CACNA1E: variants seen among roughly 807,000 people sequenced by gnomAD.
The protein encoded by CACNA1E is voltage-dependent R-type calcium channel subunit alpha-1E.
Under a neutral mutation model 259.2 loss-of-function variants are expected in CACNA1E, and 40 were observed. The observed-to-expected ratio is 0.15, with a 90% CI of 0.12 to 0.20. CACNA1E has a LOEUF of 0.20. Among genes scored for constraint, CACNA1E ranks in the 10% least tolerant of loss-of-function variants. The probability of loss-of-function intolerance (pLI) is 1.00; values close to 1 mark genes in which losing one functional copy is unlikely to be tolerated. For missense variants in CACNA1E, 1,874 were observed against 3,040.1 expected (o/e 0.62, Z 9.02); for synonymous variants, 1,104 against 1,138.5 (o/e 0.97, Z 0.61).
In CACNA1E at chr1:181,785,930, G is replaced by C. The variant is rs528364013; in HGVS notation, c.5786+111G>C. ...AAGGGCCCAAGAACAAATACTCTGA[G>C]CTTGAGTGATCCTTTTTCTGAAGTT... On this transcript the variant is annotated intron_variant, in intron 43 of 47. Coordinates refer to ENST00000367573, the MANE Select transcript of CACNA1E (RefSeq NM_001205293.3). The C allele has an allele frequency of 1.9e-4, 128 of 684,898 alleles. 1 individual carries two copies. Among genetic ancestry groups the C allele is most frequent in the Middle Eastern group, 2.9e-4 (1 of 3,470 alleles). 42.4% of individuals were successfully genotyped at this position (684,898 alleles called of 1,614,324 possible).
chr1:181,319,364 G>T (rs1571550144), intron 1 of CACNA1E, among the ~76,000 whole-genome samples: 1 of 152,310 alleles, frequency 6.6e-6, no homozygotes, highest in East Asian at 1.9e-4. Flanking sequence ...AGAGGAAAAG[G>T]GGCTTTCTCT....
chr1:181,421,308 C>T (rs991077981), intron 2 of CACNA1E, among the ~76,000 whole-genome samples: 2 of 152,204 alleles, frequency 1.3e-5, no homozygotes. Flanking sequence ...ATAATACCTA[C>T]CTTGCAAGCC....
intron 6 of CACNA1E, among the ~76,000 whole-genome samples, chr1:181,592,331 C>T (rs188159963): frequency 1.2e-4 from 19 of 152,074 alleles, no homozygotes; most frequent in Admixed American, 9.2e-4. Context: ...GAGTGGCTGT[C>T]GGAACCCACC....
chr1:181,487,266 T>C (rs75386369), intron 1 of CACNA1E, among the ~76,000 whole-genome samples: 5,261 of 152,302 alleles, frequency 0.035, 118 homozygotes, highest in Middle Eastern at 0.078. Context: ...TCTTTAATCA[T>C]GTTTGTCTGA....
In CACNA1E at chr1:181,732,035, C is replaced by T. The variant is rs150015745; in HGVS notation, c.2298-349C>T. The stretch of plus-strand genomic sequence containing the variant: ...GTTGAGTGTGTACAAGCAGATGCCC[C>T]GAAAGCAAGGAGAGCAGGGGAGTGA... On this transcript the variant is annotated intron_variant, in intron 19 of 47. Transcript: ENST00000367573. The surrounding 1 kb of genome is among the most constrained non-coding windows in gnomAD (Gnocchi z 5.5). Among the ~76,000 whole-genome samples the T allele has an allele frequency of 5.5e-4, 83 of 151,790 alleles. 1 individual carries two copies. The highest frequency in any genetic ancestry group is 1.8e-3 in the African/African-American group (74 of 41,390).
At chr1:181,479,292 C>T (rs543292175), upstream of CACNA1E, among the ~76,000 whole-genome samples, 5 of 152,264 alleles carry the variant, frequency 3.3e-5, no homozygotes, top group East Asian at 9.6e-4. Flanking sequence ...AGGCATGGTG[C>T]ATGGGGTGCT....
At chr1:181,750,253 C>T (rs546858530) in intron 25 of CACNA1E, among the ~76,000 whole-genome samples, 1 of 152,384 alleles carries the variant, frequency 6.6e-6, no homozygotes, top group African/African-American at 2.4e-5. Context: ...GGCAATGGAG[C>T]AAATGGTGTG....
At chr1:181,323,567 T>C (rs1169480660) in intron 1 of CACNA1E, among the ~76,000 whole-genome samples, 3 of 152,214 alleles carry the variant, frequency 2.0e-5, no homozygotes, top group Non-Finnish European at 4.4e-5. Flanking sequence ...TCTCTTACCC[T>C]TTACTAGTCA....
chr1:181,799,532 TG>T lies in CACNA1E; in HGVS notation c.*704del. 1 of 152,908 alleles carries T rather than the reference TG, an allele frequency of 6.5e-6. No homozygotes were observed. Among genetic ancestry groups the T allele is most frequent in the Non-Finnish European group, 1.5e-5 (1 of 68,180 alleles). 9.5% of individuals were successfully genotyped at this position (152,908 alleles called of 1,614,324 possible). On this transcript the variant is annotated 3_prime_UTR_variant, in exon 48 of 48. Transcript: ENST00000367573. ...GACAGAGAAACAGAACTGGTGGTGC[TG>T]GGGGGTATAGCCCCCCATCCTTGAG...
At chr1:181,664,645 C>T (rs981399526) in intron 7 of CACNA1E, among the ~76,000 whole-genome samples, 3 of 152,078 alleles carry the variant, frequency 2.0e-5, no homozygotes. Context: ...AAATTAATCT[C>T]TAGTGTCTCT....
In CACNA1E at chr1:181,732,222, C is replaced by A. The variant is rs985810720; in HGVS notation, c.2298-162C>A. On this transcript the variant is annotated intron_variant, in intron 19 of 47. Coordinates refer to ENST00000367573, the MANE Select transcript of CACNA1E (RefSeq NM_001205293.3). The surrounding 1 kb of genome is among the most constrained non-coding windows in gnomAD (Gnocchi z 5.5). ...TGCCTGATGAGCTCCTCACGTGTGG[C>A]CCGCCTGCTCCTCGCATCTTTCTGT... is the stretch of plus-strand genomic sequence containing the variant. Among the ~76,000 whole-genome samples the A allele has an allele frequency of 3.3e-5, 5 of 152,164 alleles. No individual in the cohort carries two copies. Among genetic ancestry groups the A allele is most frequent in the Admixed American group, 2.6e-4 (4 of 15,280 alleles).
intron 7 of CACNA1E, among the ~76,000 whole-genome samples, chr1:181,693,281 G>A (rs1651383811): frequency 6.6e-6 from 1 of 152,008 alleles, no homozygotes; most frequent in Non-Finnish European, 1.5e-5. Flanking sequence ...ACTAGCATTC[G>A]ACCCAGCAAT....
At chr1:181,581,812 T>G (rs1651574101) in intron 6 of CACNA1E, among the ~76,000 whole-genome samples, 1 of 152,190 alleles carries the variant, frequency 6.6e-6, no homozygotes, top group Non-Finnish European at 1.5e-5. Flanking sequence ...AACTTTGGAA[T>G]GATCATGCCT....
intron 3 of CACNA1E, among the ~76,000 whole-genome samples, chr1:181,531,077 T>A (rs1470274904): frequency 1.3e-5 from 2 of 152,246 alleles, no homozygotes; most frequent in South Asian, 4.1e-4. Context: ...GAATGTGAAC[T>A]GTGTGGCAGT....
chr1:181,504,283 C>T (rs186538252), intron 1 of CACNA1E, among the ~76,000 whole-genome samples: 14 of 152,238 alleles, frequency 9.2e-5, no homozygotes, highest in African/African-American at 2.9e-4. Context: ...TCTATACCCC[C>T]CCAGGAGTTT....
chr1:181,567,915 CATT>C (rs1313422192), intron 3 of CACNA1E, among the ~76,000 whole-genome samples: 5 of 151,828 alleles, frequency 3.3e-5, no homozygotes, highest in Non-Finnish European at 1.5e-5. Flanking sequence ...TTTTATGAAA[CATT>C]ATGTAATTTT....
At chr1:181,550,278 G>C (rs1180972291) in intron 3 of CACNA1E, among the ~76,000 whole-genome samples, 5 of 152,116 alleles carry the variant, frequency 3.3e-5, no homozygotes, top group Non-Finnish European at 7.4e-5. Flanking sequence ...GGAGCAGTCT[G>C]GTATGGAGAG....
chr1:181,637,278 G>A (rs996005035), intron 6 of CACNA1E, among the ~76,000 whole-genome samples: 2 of 152,082 alleles, frequency 1.3e-5, no homozygotes, highest in African/African-American at 4.8e-5. Context: ...CCTGGGAAGG[G>A]GTTATTAAGT....
intron 7 of CACNA1E, among the ~76,000 whole-genome samples, chr1:181,660,341 G>C (rs1647525512): frequency 6.6e-6 from 1 of 152,178 alleles, no homozygotes; most frequent in African/African-American, 2.4e-5. Context: ...ATACAAAGAT[G>C]GGTAAAATGA....
Sources: gnomAD v4.1 joint callset for allele counts (sites outside exome capture counted in the v4.1 genomes callset) on GRCh38, gnomAD v4.1.1 for gene constraint, Gnocchi (gnomAD v3.1) non-coding constraint, MANE v1.5 for transcripts, NCBI Gene and HGNC (gene_info 2026-07-23, HGNC 2026-07-21) for gene names.